The following PACRG variants were observed in gnomAD, a reference collection of about 807,000 sequenced individuals.
PACRG encodes parkin coregulated gene protein.
PACRG carries 29 observed loss-of-function variants against 29.7 expected under a neutral mutation model. The ratio of observed to expected loss-of-function variants is 0.98; its 90% confidence interval spans 0.73 to 1.33. PACRG has a LOEUF of 1.33. PACRG is among the 40% of genes most tolerant of loss of function. PACRG has a pLI of 0.00. For synonymous variants in PACRG, 116 were observed against 118.7 expected (o/e 0.98, Z 0.15); for missense variants, 279 against 316.2 (o/e 0.88, Z 0.89).
At chr6:162,969,158 T>G (rs184788499) in intron 2 of PACRG, among the ~76,000 whole-genome samples, 6 of 152,212 alleles carry the variant, frequency 3.9e-5, no homozygotes, top group Non-Finnish European at 7.4e-5. Flanking sequence ...TATTCACTTA[T>G]GTAGTACTTG....
intron 2 of PACRG, among the ~76,000 whole-genome samples, chr6:162,829,731 C>T (rs547654671): frequency 7.9e-5 from 12 of 152,168 alleles, no homozygotes; most frequent in South Asian, 4.1e-4. Flanking sequence ...TCTTTTTCTC[C>T]GGGTATAGGA....
chr6:163,222,425 C>G (rs189213657), intron 4 of PACRG, among the ~76,000 whole-genome samples: 2 of 152,110 alleles, frequency 1.3e-5, no homozygotes, highest in Admixed American at 1.3e-4. Context: ...ACTAAAAATA[C>G]AAAAATTAGC....
intron 4 of PACRG, among the ~76,000 whole-genome samples, chr6:163,176,118 C>T (rs548298561): frequency 2.6e-5 from 4 of 152,302 alleles, no homozygotes; most frequent in Admixed American, 2.6e-4. Flanking sequence ...TACCTGCCCC[C>T]CACCCCCCAA....
chr6:163,091,962 A>G (rs1414143233), intron 4 of PACRG, among the ~76,000 whole-genome samples: 1 of 152,224 alleles, frequency 6.6e-6, no homozygotes, highest in African/African-American at 2.4e-5. Context: ...CTAAATTTCA[A>G]TGTATTTGAG....
At chr6:162,781,560 A>G (rs1344182380) in intron 1 of PACRG, among the ~76,000 whole-genome samples, 1 of 151,938 alleles carries the variant, frequency 6.6e-6, no homozygotes, top group African/African-American at 2.4e-5. Flanking sequence ...GATAAAAATT[A>G]CAATGTAATA....
At position 163,010,993 on chromosome 6, in the gene PACRG, ACT is replaced by A. The variant is rs142825597; in HGVS notation, c.292-51154_292-51153del. Among the ~76,000 whole-genome samples, 984 of 152,054 alleles carry A rather than the reference ACT, an allele frequency of 6.5e-3. 13 individuals carry two copies. Among genetic ancestry groups the A allele is most frequent in the African/African-American group, 0.021 (859 of 41,484 alleles). ...TGTGCGGCCCAGAGGAGCAGAGGAA[ACT>A]CTTTTCTGCACATAGGTGCTCTCAG... On this transcript the variant is annotated intron_variant, in intron 2 of 4. Coordinates refer to ENST00000366888, the MANE Select transcript of PACRG (RefSeq NM_001080379.2).
intron 4 of PACRG, among the ~76,000 whole-genome samples, chr6:163,093,135 T>A (rs538403191): frequency 1.3e-5 from 2 of 152,338 alleles, no homozygotes; most frequent in South Asian, 2.1e-4. Flanking sequence ...TCAGCTTGAA[T>A]ATGTGACTGG....
chr6:163,297,390 C>A (rs1784816359), intron 4 of PACRG, among the ~76,000 whole-genome samples: 1 of 152,198 alleles, frequency 6.6e-6, no homozygotes, highest in African/African-American at 2.4e-5. Context: ...AGATAAATAG[C>A]AGACTTCAGT....
chr6:163,251,111 G>A (rs1361797166), intron 4 of PACRG, among the ~76,000 whole-genome samples: 1 of 151,974 alleles, frequency 6.6e-6, no homozygotes, highest in East Asian at 1.9e-4. Flanking sequence ...AGCTTAGGGG[G>A]AAGAGTGGGA....
At chr6:162,763,324 A>G (rs1356752479) in intron 1 of PACRG, among the ~76,000 whole-genome samples, 1 of 152,150 alleles carries the variant, frequency 6.6e-6, no homozygotes, top group African/African-American at 2.4e-5. Context: ...GGAAGGAGGG[A>G]TGTGGAGGCA....
chr6:163,173,412 G>A (rs1176637488), intron 4 of PACRG, among the ~76,000 whole-genome samples: 1 of 152,124 alleles, frequency 6.6e-6, no homozygotes, highest in Non-Finnish European at 1.5e-5. Flanking sequence ...TTCCACACCT[G>A]ATCTCATCCC....
chr6:162,914,072 G>C (rs1028588526), intron 2 of PACRG, among the ~76,000 whole-genome samples: 1 of 152,026 alleles, frequency 6.6e-6, no homozygotes, highest in Non-Finnish European at 1.5e-5. Context: ...TAATTTTGAT[G>C]AAATCCAGCT....
At chr6:163,001,638 G>A (rs975282046) in intron 2 of PACRG, among the ~76,000 whole-genome samples, 3 of 151,804 alleles carry the variant, frequency 2.0e-5, no homozygotes, top group Non-Finnish European at 4.4e-5. Flanking sequence ...TCATTTATAC[G>A]GTATAATTGT....
chr6:163,132,123 A>G (rs1016675212), intron 4 of PACRG, among the ~76,000 whole-genome samples: 1 of 152,204 alleles, frequency 6.6e-6, no homozygotes, highest in African/African-American at 2.4e-5. Context: ...ATGCTCATGA[A>G]GTTAAATATC....
intron 1 of PACRG, among the ~76,000 whole-genome samples, chr6:162,760,772 G>A (rs1311512844): frequency 6.6e-6 from 1 of 152,136 alleles, no homozygotes; most frequent in Non-Finnish European, 1.5e-5. Context: ...GCCGTTGAAG[G>A]ATTTTAGGGT....
intron 2 of PACRG, among the ~76,000 whole-genome samples, chr6:162,820,414 G>C (rs1263797626): frequency 6.6e-6 from 1 of 152,076 alleles, no homozygotes; most frequent in African/African-American, 2.4e-5. Context: ...AGGAAAAACA[G>C]TTATTGCATA....
intron 2 of PACRG, among the ~76,000 whole-genome samples, chr6:162,851,624 C>G (rs574430084): frequency 6.6e-6 from 1 of 152,214 alleles, no homozygotes; most frequent in South Asian, 2.1e-4. Context: ...CATGAATTTG[C>G]TTTTCTTTAA....
intron 4 of PACRG, among the ~76,000 whole-genome samples, chr6:163,214,420 A>G (rs556106432): frequency 5.3e-5 from 8 of 152,236 alleles, no homozygotes; most frequent in Admixed American, 2.6e-4. Context: ...AAAAGGTCAC[A>G]TTGAATTTAC....
At chr6:163,312,017 G>A (rs1342125681) in intron 4 of PACRG, among the ~76,000 whole-genome samples, 1 of 152,152 alleles carries the variant, frequency 6.6e-6, no homozygotes, top group African/African-American at 2.4e-5. Flanking sequence ...CCATTTATGA[G>A]TGACTAATGT....
Sources: gnomAD v4.1 joint callset for allele counts (sites outside exome capture counted in the v4.1 genomes callset) on GRCh38, gnomAD v4.1.1 for gene constraint, MANE v1.5 for transcripts, NCBI Gene and HGNC (gene_info 2026-07-23, HGNC 2026-07-21) for gene names.